The following GBF1 variants were observed in gnomAD, a reference collection of about 807,000 sequenced individuals.
GBF1 encodes the protein golgi brefeldin A resistant guanine nucleotide exchange factor 1.
In GBF1, 114 loss-of-function variants were observed where a neutral mutation model predicts 210.5. The ratio of observed to expected loss-of-function variants is 0.54; its 90% CI spans 0.47 to 0.63. The LOEUF is 0.63. Ranked by LOEUF, GBF1 falls within the 30% of genes least tolerant of loss-of-function variation. The pLI, the probability that GBF1 is intolerant of heterozygous loss-of-function variation, is 0.00. For missense variants in GBF1, 1,851 were observed against 2,357.7 expected, an observed-to-expected ratio of 0.79 and a Z score of 4.45; for synonymous variants, 850 against 889.2, an observed-to-expected ratio of 0.96 and a Z score of 0.78.
At position 102,368,780 on chromosome 10, in the gene GBF1, T is replaced by C. The variant is rs1158920355; in HGVS notation, c.2921T>C (p.Val974Ala). ...TCCGCCCACTATGGCCTCAGCGATG[T>C]GTTTGACAATCTCATCATCTCTCTA... ...MISAHYGLSDVFDNLIISLCK... is the reference protein window; with the variant it reads ...MISAHYGLSDAFDNLIISLCK... Residue 974 changes from valine (V) to alanine (A), a missense_variant, in exon 23 of 40, where the codon GTG becomes GCG. This residue lies in a region of GBF1 where 967 missense variants were observed against 1,247.7 expected (regional missense o/e 0.78). Transcript: ENST00000369983. 1 of 1,613,438 alleles carries C rather than the reference T, an allele frequency of 6.2e-7. No homozygotes were observed. Among genetic ancestry groups the C allele is most frequent in the Non-Finnish European group, 8.5e-7 (1 of 1,179,484 alleles).
chr10:102,380,547 G>T lies in GBF1; in HGVS notation c.5034G>T (p.Val1678=). 1 of 1,613,990 alleles carries T rather than the reference G, an allele frequency of 6.2e-7. No homozygotes were observed. Among genetic ancestry groups the T allele is most frequent in the East Asian group, 2.2e-5 (1 of 44,880 alleles). ...IPESLKNMLL[V]MDTAEIFHSA... Reference sequence around the variant, plus strand: ...AGTCTCTGAAGAACATGCTTCTGGTGATGGACACAGCGGAGATTTTCCACA... The same window carrying T: ...AGTCTCTGAAGAACATGCTTCTGGTTATGGACACAGCGGAGATTTTCCACA... Residue 1678 remains valine (V), a synonymous_variant, in exon 38 of 40, where the codon GTG becomes GTT. Coordinates refer to ENST00000369983, the MANE Select transcript of GBF1 (RefSeq NM_001377137.1).
At chr10:102,372,846 G>A (rs1286613724) in intron 29 of GBF1, among the ~76,000 whole-genome samples, 1 of 152,188 alleles carries the variant, frequency 6.6e-6, no homozygotes, top group African/African-American at 2.4e-5. Flanking sequence ...AGGATCTAGA[G>A]CTAAGCAAAG....
chr10:102,262,446 A>G (rs182045770), intron 3 of GBF1, among the ~76,000 whole-genome samples: 2 of 152,214 alleles, frequency 1.3e-5, no homozygotes, highest in Admixed American at 1.3e-4. Context: ...AATTCAGAGT[A>G]CTGTCTTCTT....
upstream of GBF1, among the ~76,000 whole-genome samples, chr10:102,241,818 G>A (rs2133819837): frequency 6.6e-6 from 1 of 152,364 alleles, no homozygotes; most frequent in Non-Finnish European, 1.5e-5. The surrounding 1 kb of genome is among the most constrained non-coding windows in gnomAD (Gnocchi z 6.7). Context: ...GAGTGGTCCC[G>A]GTAGCCACGG....
At position 102,377,158 on chromosome 10, in the gene GBF1, T is replaced by A; in HGVS notation, c.4494+18T>A. 1 of 1,595,590 alleles carries A rather than the reference T, an allele frequency of 6.3e-7. No homozygotes were observed. Among genetic ancestry groups the A allele is most frequent in the Non-Finnish European group, 8.6e-7 (1 of 1,164,242 alleles). ...GTCAGGACGTAAGTATGGCACCCTT[T>A]ACTTCCTCTCCTCCCCTGCACCTGA... On this transcript the variant is annotated intron_variant, in intron 33 of 39. Coordinates refer to ENST00000369983, the MANE Select transcript of GBF1 (RefSeq NM_001377137.1).
At chr10:102,324,648 G>A (rs571808670) in intron 3 of GBF1, among the ~76,000 whole-genome samples, 1 of 152,122 alleles carries the variant, frequency 6.6e-6, no homozygotes, top group South Asian at 2.1e-4. Context: ...GTGCAGTGGC[G>A]CAATCTTGGC....
At chr10:102,370,499 A>T (rs773901205) in intron 28 of GBF1, 21 bp downstream of exon 28, 1 of 1,566,748 alleles carries the variant, frequency 6.4e-7, no homozygotes, top group Non-Finnish European at 8.8e-7. Flanking sequence ...CGTAGTCTTT[A>T]GGCAGACCCC....
chr10:102,368,261 C>T lies in GBF1; in HGVS notation c.2686C>T (p.Arg896Trp), dbSNP rs1050547266. Reference sequence around the variant, plus strand: ...GCCTGAGGAGCAGACAGGCTTGGTTCGGGAGAACTATGTGTGGAATGTGCT... The same window carrying T: ...GCCTGAGGAGCAGACAGGCTTGGTTTGGGAGAACTATGTGTGGAATGTGCT... The part of the protein sequence containing the change: ...VMPEEQTGLV[R>W]ENYVWNVLLH... Residue 896 changes from arginine (R) to tryptophan (W), a missense_variant, in exon 22 of 40, where the codon CGG becomes TGG. Arg to Trp is a moderately radical substitution (Grantham distance 101, BLOSUM62 -3). This residue lies in a region of GBF1 where 967 missense variants were observed against 1,247.7 expected (regional missense o/e 0.78). Transcript: ENST00000369983. 5 of 1,613,888 alleles carry T rather than the reference C, an allele frequency of 3.1e-6. No homozygotes were observed. Among genetic ancestry groups the T allele is most frequent in the Admixed American group, 1.7e-5 (1 of 60,004 alleles).
At chr10:102,362,757 C>G in intron 15 of GBF1, 93 bp downstream of exon 15, 1 of 891,090 alleles carries the variant, frequency 1.1e-6, no homozygotes, top group South Asian at 1.6e-5. Context: ...ATATCACTTC[C>G]CCTGGGATGC....
At chr10:102,266,958 G>C (rs1278121134) in intron 3 of GBF1, among the ~76,000 whole-genome samples, 1 of 152,200 alleles carries the variant, frequency 6.6e-6, no homozygotes, top group Admixed American at 6.5e-5. Flanking sequence ...CAGAGTCTGA[G>C]CTAGGAGGTT....
In GBF1 at chr10:102,382,466, C is replaced by A; in HGVS notation, c.*130C>A. 1.3e-6 allele frequency: 1 copy of A among 768,112 alleles called. No homozygotes were observed. The highest frequency in any genetic ancestry group is 2.1e-6 in the Non-Finnish European group (1 of 483,966). 47.6% of individuals were successfully genotyped at this position (768,112 alleles called of 1,614,324 possible). On this transcript the variant is annotated 3_prime_UTR_variant, in exon 40 of 40. Transcript: ENST00000369983. ...GCTGTTGCTGCCACTTGGATGGGGA[C>A]CTGAAAAAGAGAATGTTGATAGCCC...
intron 3 of GBF1, among the ~76,000 whole-genome samples, chr10:102,279,150 T>C (rs536205495): frequency 1.4e-3 from 217 of 152,330 alleles, no homozygotes; most frequent in African/African-American, 4.9e-3. Context: ...AGAAACACAA[T>C]TGCATACCCT....
chr10:102,282,357 G>A (rs12256861), intron 3 of GBF1, among the ~76,000 whole-genome samples: 8,294 of 152,134 alleles, frequency 0.055, 717 homozygotes, highest in African/African-American at 0.19. Flanking sequence ...AGGTTATACA[G>A]TAAAAGCTTC....
At position 102,379,907 on chromosome 10, in the gene GBF1, G is replaced by A. The variant is rs1273923749; in HGVS notation, c.4831G>A (p.Gly1611Ser). 1 of 1,613,710 alleles carries A rather than the reference G, an allele frequency of 6.2e-7. No homozygotes were observed. The highest frequency in any genetic ancestry group is 8.5e-7 in the Non-Finnish European group (1 of 1,179,802). ...LLENISPADVGGMEETRMRAS... is the reference protein window; with the variant it reads ...LLENISPADVSGMEETRMRAS... ...GGAGAACATCAGCCCTGCAGATGTG[G>A]GTGGGATGGAGGAGACCCGGATGAG... Residue 1611 changes from glycine to serine, a missense_variant, in exon 36 of 40, where the codon GGT becomes AGT. Coordinates refer to ENST00000369983, the MANE Select transcript of GBF1 (RefSeq NM_001377137.1).
chr10:102,370,951 C>T, intron 29 of GBF1, 91 bp downstream of exon 29: 2 of 1,221,332 alleles, frequency 1.6e-6, no homozygotes, highest in South Asian at 1.4e-5. Flanking sequence ...ACAGAGAGTA[C>T]ATTTAGTGCC....
intron 3 of GBF1, among the ~76,000 whole-genome samples, chr10:102,282,904 A>C (rs905916333): frequency 6.6e-6 from 1 of 152,264 alleles, no homozygotes; most frequent in East Asian, 1.9e-4. Flanking sequence ...TAAAAATTCA[A>C]TAAGACATGG....
Position 102,363,134 on chromosome 10 carries a change from T to A in GBF1, c.1877-122T>A. 1.2e-6 allele frequency: 1 copy of A among 835,732 alleles called. No individual in the cohort carries two copies. Among genetic ancestry groups the A allele is most frequent in the Non-Finnish European group, 1.8e-6 (1 of 547,458 alleles). 51.8% of individuals were successfully genotyped at this position (835,732 alleles called of 1,614,324 possible). On this transcript the variant is annotated intron_variant, in intron 15 of 39. Coordinates refer to ENST00000369983, the MANE Select transcript of GBF1 (RefSeq NM_001377137.1). The surrounding 1 kb of genome is among the most constrained non-coding windows in gnomAD (Gnocchi z 4.2). ...TTATTTTGGCTTGGGTTTGTCCTGC[T>A]CAGGGCTGGCGCCCTGTGCAGGAAC...
the GBF1 span, among the ~76,000 whole-genome samples, chr10:102,233,304 C>CTTTTTTT: frequency 5.6e-5 from 6 of 107,910 alleles, no homozygotes; most frequent in African/African-American, 7.4e-5. Context: ...TTTTTTCCTT[C>CTTTTTTT]TTTTTTTTTT....
chr10:102,321,581 T>C (rs977149938), intron 3 of GBF1, among the ~76,000 whole-genome samples: 4 of 152,200 alleles, frequency 2.6e-5, no homozygotes, highest in Non-Finnish European at 4.4e-5. Flanking sequence ...TTGTTTGTTT[T>C]TGTTTTGAGA....
Sources: allele counts gnomAD v4.1 joint callset (sites outside exome capture counted in the v4.1 genomes callset), GRCh38; gene constraint gnomAD v4.1.1; regional missense constraint gnomAD v4.1.1; non-coding constraint Gnocchi (gnomAD v3.1); transcripts MANE v1.5; gene names NCBI Gene and HGNC (gene_info 2026-07-23, HGNC 2026-07-21).